Variants in DLC1 observed in about 807,000 individuals in gnomAD.
DLC1 encodes rho GTPase-activating protein 7.
In DLC1, 54 loss-of-function variants were observed where a neutral mutation model predicts 140.3. The observed-to-expected ratio is 0.38, with a 90% CI of 0.31 to 0.48. DLC1 has a LOEUF of 0.48. Among genes scored for constraint, DLC1 ranks in the 20% least tolerant of loss-of-function variants. DLC1 has a pLI of 0.96. For missense variants in DLC1, 2,536 were observed against 1,907.0 expected, an observed-to-expected ratio of 1.33 and a Z score of -6.14; for synonymous variants, 986 against 728.1, an observed-to-expected ratio of 1.35 and a Z score of -5.70.
At chr8:13,398,128 T>C (rs1472215993) in intron 3 of DLC1, among the ~76,000 whole-genome samples, 1 of 117,870 alleles carries the variant, frequency 8.5e-6, no homozygotes, top group Non-Finnish European at 1.8e-5. Flanking sequence ...AGAGTCCATC[T>C]CAAAAAAAAG....
At chr8:13,101,329 G>A (rs1819071478) in intron 8 of DLC1, among the ~76,000 whole-genome samples, 1 of 152,222 alleles carries the variant, frequency 6.6e-6, no homozygotes, top group East Asian at 1.9e-4. Context: ...TCCATAGGCT[G>A]TTCTTTAATT....
chr8:13,453,957 C>T (rs1412368644), intron 2 of DLC1, among the ~76,000 whole-genome samples: 1 of 152,038 alleles, frequency 6.6e-6, no homozygotes, highest in Non-Finnish European at 1.5e-5. Context: ...ACTGTGAAAC[C>T]TTCCTCAGAG....
chr8:13,257,439 GAAA>G (rs34452124), intron 5 of DLC1, among the ~76,000 whole-genome samples: 18 of 104,422 alleles, frequency 1.7e-4, no homozygotes, highest in African/African-American at 4.0e-4. Context: ...CCTGTCTCAG[GAAA>G]AAAAAAAAAA....
chr8:13,261,727 G>C (rs1420306010), intron 5 of DLC1, among the ~76,000 whole-genome samples: 1 of 152,094 alleles, frequency 6.6e-6, no homozygotes, highest in East Asian at 1.9e-4. Flanking sequence ...GGGTATGAAA[G>C]AAGAGAGGAG....
intron 5 of DLC1, among the ~76,000 whole-genome samples, chr8:13,201,683 T>C: frequency 6.6e-6 from 1 of 152,142 alleles, no homozygotes; most frequent in Non-Finnish European, 1.5e-5. Context: ...CAAATGTAGA[T>C]TCTGGACATT....
At chr8:13,457,452 G>A (rs1339421235) in intron 2 of DLC1, among the ~76,000 whole-genome samples, 4 of 151,910 alleles carry the variant, frequency 2.6e-5, no homozygotes, top group African/African-American at 9.7e-5. Flanking sequence ...GCCGAGGCAG[G>A]CAGATCATGA....
At chr8:13,426,789 T>A (rs896100401) in intron 2 of DLC1, among the ~76,000 whole-genome samples, 2 of 74,782 alleles carry the variant, frequency 2.7e-5, no homozygotes, top group African/African-American at 4.3e-5. Flanking sequence ...ATATATATAT[T>A]TTTCCTTCTC....
intron 1 of DLC1, among the ~76,000 whole-genome samples, chr8:13,553,224 ATATG>A (rs67383235): frequency 0.15 from 9,253 of 61,512 alleles, 1,308 homozygotes; most frequent in Non-Finnish European, 0.18. Flanking sequence ...ATATATATAT[ATATG>A]TATATATATA....
chr8:13,148,272 C>G (rs7821028), intron 5 of DLC1, among the ~76,000 whole-genome samples: 86,730 of 151,912 alleles, frequency 0.57, 25,232 homozygotes, highest in Middle Eastern at 0.65. Flanking sequence ...TTTTCTGCTC[C>G]TCTCCCTCCT....
chr8:13,084,790 C>T lies in DLC1; in HGVS notation c.*1021G>A, dbSNP rs1178531479. 1 of 152,160 alleles carries T rather than the reference C, an allele frequency of 6.6e-6. No homozygotes were observed. Among genetic ancestry groups the T allele is most frequent in the African/African-American group, 2.4e-5 (1 of 41,436 alleles). The allele number at this position is 152,160 out of a possible 1,614,324, so 9.4% of individuals were successfully genotyped here. A position where few individuals can be genotyped will look rare whatever the true frequency, so the allele number is the denominator to read the frequency against. On this transcript the variant is annotated 3_prime_UTR_variant, in exon 18 of 18. Coordinates refer to ENST00000276297, the MANE Select transcript of DLC1 (RefSeq NM_182643.3). The stretch of plus-strand genomic sequence containing the variant: ...AGGTGAGTTAAATTTACAGGGATTT[C>T]CTTGGGACACACATAGTTTCCTATA...
chr8:13,266,811 A>G (rs1467948651), intron 5 of DLC1, among the ~76,000 whole-genome samples: 2 of 152,144 alleles, frequency 1.3e-5, no homozygotes, highest in African/African-American at 4.8e-5. Context: ...ACAACAAAAA[A>G]CTGTTAGAAA....
At chr8:13,340,372 T>G (rs1833987958) in intron 4 of DLC1, 1 of 152,138 alleles carries the variant, frequency 6.6e-6, no homozygotes, top group African/African-American at 2.4e-5. Flanking sequence ...CACTAAGTTT[T>G]GTATTTTTAG....
chr8:13,247,958 T>C (rs779502231), intron 5 of DLC1, among the ~76,000 whole-genome samples: 2 of 152,226 alleles, frequency 1.3e-5, no homozygotes, highest in Non-Finnish European at 2.9e-5. Flanking sequence ...ATAAACAATA[T>C]GTAAATGATT....
Position 13,172,601 on chromosome 8 carries a change from C to T in DLC1, c.1349-56944G>A, listed in dbSNP as rs188993116. ...CAGTTTATTTTAGAGACTTCGTCAA[C>T]TCACACAGTAAGTGGCAGGATGGGG... On this transcript the variant is annotated intron_variant, in intron 5 of 17. Transcript: ENST00000276297. 7.2e-3 allele frequency among the ~76,000 whole-genome samples: 1,099 copies of T among 152,330 alleles called. 5 individuals are homozygous for T. Among genetic ancestry groups the T allele is most frequent in the Non-Finnish European group, 0.011 (758 of 68,026 alleles).
At chr8:13,289,759 T>C (rs1831686723) in intron 5 of DLC1, among the ~76,000 whole-genome samples, 1 of 152,190 alleles carries the variant, frequency 6.6e-6, no homozygotes. Context: ...ATAAGAACCT[T>C]GTTCCAATAA....
rs374216590 is a variant in DLC1, at chr8:13,091,452, G to T, written c.3741-20C>A. On this transcript the variant is annotated intron_variant, in intron 13 of 17. Coordinates refer to ENST00000276297, the MANE Select transcript of DLC1 (RefSeq NM_182643.3). ...ATTACCCTAGGTAGAAGAAATACAGGAGGGGAACAGTTCAAATATTTATAT... is the reference window on the plus strand; with the variant it reads ...ATTACCCTAGGTAGAAGAAATACAGTAGGGGAACAGTTCAAATATTTATAT... 2 of 1,593,570 alleles carry T rather than the reference G, an allele frequency of 1.3e-6. No individual in the cohort carries two copies. The highest frequency in any genetic ancestry group is 1.3e-5 in the African/African-American group (1 of 74,252).
At chr8:13,561,897 G>C (rs139846060) in intron 1 of DLC1, among the ~76,000 whole-genome samples, 1 of 152,162 alleles carries the variant, frequency 6.6e-6, no homozygotes, top group South Asian at 2.1e-4. Flanking sequence ...CAAAGACAAA[G>C]CAATTACTGA....
intron 1 of DLC1, among the ~76,000 whole-genome samples, chr8:13,503,273 G>A (rs1026732165): frequency 3.9e-5 from 6 of 152,068 alleles, no homozygotes; most frequent in African/African-American, 1.2e-4. Flanking sequence ...GAGTGGTGGC[G>A]TGCACCTGTA....
At chr8:13,575,256 T>C (rs1804798184) in intron 1 of DLC1, among the ~76,000 whole-genome samples, 1 of 152,134 alleles carries the variant, frequency 6.6e-6, no homozygotes, top group Non-Finnish European at 1.5e-5. Context: ...GTCATCCCAC[T>C]CAAAATTTGC....
Sources: gnomAD v4.1 joint callset for allele counts (sites outside exome capture counted in the v4.1 genomes callset) on GRCh38, gnomAD v4.1.1 for gene constraint, MANE v1.5 for transcripts, NCBI Gene and HGNC (gene_info 2026-07-23, HGNC 2026-07-21) for gene names.